VPS36: variants seen among roughly 807,000 people sequenced by gnomAD.
The protein encoded by VPS36 is vacuolar protein-sorting-associated protein 36.
VPS36 carries 31 observed loss-of-function variants against 63.5 expected under a neutral mutation model. That is an observed-to-expected ratio of 0.49 (90% CI 0.37 to 0.66). VPS36 has a LOEUF of 0.66. VPS36 is among the 30% of genes least tolerant of loss of function. The probability of loss-of-function intolerance (pLI) is 0.00; values close to 1 mark genes in which losing one functional copy is unlikely to be tolerated. For missense variants in VPS36, 338 were observed against 463.7 expected (o/e 0.73, Z 2.49); for synonymous variants, 138 against 157.2 (o/e 0.88, Z 0.91).
rs1957966398 is a variant in VPS36 at position 52,413,573 on chromosome 13, AAC to A, written c.*2255_*2256del. 6.6e-6 allele frequency: 1 copy of A among 152,390 alleles called. No individual in the cohort carries two copies. 9.4% of individuals were successfully genotyped at this position (152,390 alleles called of 1,614,324 possible). On this transcript the variant is annotated 3_prime_UTR_variant, in exon 14 of 14. Transcript: ENST00000378060. The stretch of plus-strand genomic sequence containing the variant: ...TTGATACCAATCATTTAACCCTGAA[AAC>A]ACAGTCTTCACTAACACAATGTAAA...
intron 9 of VPS36, chr13:52,425,698 A>G: frequency 2.7e-6 from 1 of 375,242 alleles, no homozygotes; most frequent in Non-Finnish European, 4.6e-6. Flanking sequence ...GGAAAACTTC[A>G]TATCAAATAG....
chr13:52,425,252 C>CAA (rs748988364), intron 9 of VPS36, among the ~76,000 whole-genome samples: 11 of 67,292 alleles, frequency 1.6e-4, no homozygotes, highest in East Asian at 1.5e-3. Flanking sequence ...GACTCCGCCT[C>CAA]AAAAAAAAAA....
At chr13:52,417,302 AC>A (rs907933433) in intron 11 of VPS36, among the ~76,000 whole-genome samples, 161 bp from the exon 12 acceptor site, 7 of 152,346 alleles carry the variant, frequency 4.6e-5, no homozygotes, top group Admixed American at 1.3e-4. Context: ...AATGGCATAA[AC>A]AGCTCATGAA....
chr13:52,421,529 T>C (rs987634859), intron 10 of VPS36, among the ~76,000 whole-genome samples: 1 of 149,740 alleles, frequency 6.7e-6, no homozygotes, highest in African/African-American at 2.5e-5. Context: ...AGGTTTTTTT[T>C]TTTTTTTTTT....
chr13:52,434,729 T>C, intron 5 of VPS36, 64 bp downstream of exon 5: 4 of 1,427,142 alleles, frequency 2.8e-6, no homozygotes, highest in Non-Finnish European at 3.9e-6. Context: ...ACAGAGTCTT[T>C]TTCTTAATGA....
At position 52,414,043 on chromosome 13, in the gene VPS36, T is replaced by C. The variant is rs1263318165; in HGVS notation, c.*1787A>G. 6.6e-6 allele frequency: 1 copy of C among 152,244 alleles called. No homozygotes were observed. 9.4% of individuals were successfully genotyped at this position (152,244 alleles called of 1,614,324 possible). A position where few individuals can be genotyped will look rare whatever the true frequency, so the allele number is the denominator to read the frequency against. ...TAAAGTAAACAAATATGTTAAATTA[T>C]GTAGGTTTGCAGTAATGAATCCAAA... is the stretch of plus-strand genomic sequence containing the variant. On this transcript the variant is annotated 3_prime_UTR_variant, in exon 14 of 14. Coordinates refer to ENST00000378060, the MANE Select transcript of VPS36 (RefSeq NM_016075.4).
chr13:52,424,583 CAGG>C (rs1332698267), intron 9 of VPS36, among the ~76,000 whole-genome samples: 6 of 152,050 alleles, frequency 3.9e-5, no homozygotes, highest in Admixed American at 2.6e-4. Context: ...AGGTAAGAGG[CAGG>C]AGAAGAAAGA....
intron 10 of VPS36, among the ~76,000 whole-genome samples, chr13:52,420,334 A>T (rs940498768): frequency 2.5e-4 from 38 of 150,690 alleles, no homozygotes; most frequent in East Asian, 3.9e-4. Context: ...TCTTTTTTTT[A>T]AATTTATTTA....
intron 6 of VPS36, among the ~76,000 whole-genome samples, chr13:52,430,749 T>A (rs1958146417): frequency 6.6e-6 from 1 of 151,894 alleles, no homozygotes; most frequent in Non-Finnish European, 1.5e-5. Flanking sequence ...GAATGACTAA[T>A]ACACAGACAC....
chr13:52,428,966 A>G (rs1381321604), intron 6 of VPS36, among the ~76,000 whole-genome samples: 1 of 152,150 alleles, frequency 6.6e-6, no homozygotes, highest in Non-Finnish European at 1.5e-5. Context: ...AAACACAGAG[A>G]AAAGCTTCCT....
rs1566080481 is a variant in VPS36, at chr13:52,414,505, T to TC, written c.*1324dup. 6.6e-6 allele frequency: 1 copy of TC among 152,136 alleles called. No homozygotes were observed. The highest frequency in any genetic ancestry group is 2.4e-5 in the African/African-American group (1 of 41,404). The allele number at this position is 152,136 out of a possible 1,614,324, so 9.4% of individuals were successfully genotyped here. ...TTCAGGCAGAGATAAGGGATTGGGATCCCCTGGGTCTGCAGCTGAGGGTCC... is the reference window on the plus strand; with the variant it reads ...TTCAGGCAGAGATAAGGGATTGGGATCCCCCTGGGTCTGCAGCTGAGGGTCC... On this transcript the variant is annotated 3_prime_UTR_variant, in exon 14 of 14. Coordinates refer to ENST00000378060, the MANE Select transcript of VPS36 (RefSeq NM_016075.4).
intron 10 of VPS36, among the ~76,000 whole-genome samples, chr13:52,418,573 CAAAAAAA>C (rs1201650906): frequency 0.073 from 2,249 of 31,014 alleles, 24 homozygotes; most frequent in African/African-American, 0.17. Flanking sequence ...GACTCCATCT[CAAAAAAA>C]AAAAAAAAAA....
intron 9 of VPS36, among the ~76,000 whole-genome samples, chr13:52,424,002 C>T (rs1053966378): frequency 6.6e-6 from 1 of 152,080 alleles, no homozygotes. Context: ...GCACTACAGG[C>T]ATGCACCACC....
In VPS36 at chr13:52,426,000, C is replaced by G. The variant is rs771805336; in HGVS notation, c.706G>C (p.Gly236Arg). The G allele has an allele frequency of 2.5e-6, 4 of 1,614,102 alleles. No homozygotes were observed. The East Asian group carries it at 6.7e-5, about 27-fold the overall frequency. The change falls in exon 9 of 14, where the codon GGC becomes CGC. Residue 236 changes from glycine to arginine, a missense_variant. Physicochemically the swap from Gly to Arg is moderately radical, Grantham distance 125. Transcript: ENST00000378060. Reference sequence around the variant, plus strand: ...TGCATGTGGTACTGTGTGCCTGAGCCGTAGGTTTCTCTGGTAACTGGGTTA... The same window carrying G: ...TGCATGTGGTACTGTGTGCCTGAGCGGTAGGTTTCTCTGGTAACTGGGTTA... ...IANPVTRETYGSGTQYHMQLA... is the reference protein window; with the variant it reads ...IANPVTRETYRSGTQYHMQLA...
chr13:52,414,171 TGA>T lies in VPS36; in HGVS notation c.*1657_*1658del, dbSNP rs147796681. On this transcript the variant is annotated 3_prime_UTR_variant, in exon 14 of 14. Transcript: ENST00000378060. ...CATAATTTTAAAAGCCTTAGCCAGG[TGA>T]GAGAGAGAGAGAGTGTGTGTGTGTG... The T allele has an allele frequency of 5.3e-5, 8 of 150,728 alleles. No homozygotes were observed. The highest frequency in any genetic ancestry group is 1.0e-4 in the Non-Finnish European group (7 of 67,564). The allele number at this position is 150,728 out of a possible 1,614,324, so 9.3% of individuals were successfully genotyped here.
intron 10 of VPS36, among the ~76,000 whole-genome samples, chr13:52,421,527 T>G (rs1175125739): frequency 6.7e-6 from 1 of 149,552 alleles, no homozygotes; most frequent in East Asian, 2.0e-4. Flanking sequence ...GTAGGTTTTT[T>G]TTTTTTTTTT....
intron 1 of VPS36, among the ~76,000 whole-genome samples, chr13:52,448,197 CTA>C (rs974016556): frequency 1.3e-5 from 2 of 152,186 alleles, no homozygotes; most frequent in African/African-American, 4.8e-5. Flanking sequence ...GGATGCAAAA[CTA>C]TGAATATTAA....
At chr13:52,437,772 T>A (rs937503952) in intron 3 of VPS36, among the ~76,000 whole-genome samples, 2 of 151,784 alleles carry the variant, frequency 1.3e-5, no homozygotes, top group Non-Finnish European at 2.9e-5. Flanking sequence ...CTACTAAAAA[T>A]ACAAAAAATT....
chr13:52,434,548 A>G (rs1958193351), intron 5 of VPS36, among the ~76,000 whole-genome samples: 1 of 152,084 alleles, frequency 6.6e-6, no homozygotes, highest in Admixed American at 6.6e-5. Flanking sequence ...TAGTAGAGAC[A>G]GGGTTTCACA....
Sources: gnomAD v4.1 joint callset for allele counts (sites outside exome capture counted in the v4.1 genomes callset) on GRCh38, gnomAD v4.1.1 for gene constraint, MANE v1.5 for transcripts, NCBI Gene and HGNC (gene_info 2026-07-23, HGNC 2026-07-21) for gene names.